PDE4A: variants seen among roughly 807,000 people sequenced by gnomAD.
The protein encoded by PDE4A is phosphodiesterase 4A, also known as 3',5'-cyclic-AMP phosphodiesterase 4A.
PDE4A carries 21 observed loss-of-function variants against 73.9 expected under a neutral mutation model. The ratio of observed to expected loss-of-function variants is 0.28; its 90% CI spans 0.20 to 0.41. PDE4A has a LOEUF of 0.41. Ranked by LOEUF, PDE4A falls within the 10% of genes least tolerant of loss-of-function variation. PDE4A has a pLI of 1.00. For synonymous variants in PDE4A, 463 were observed against 505.4 expected (o/e 0.92, Z 1.13); for missense variants, 958 against 1,211.4 (o/e 0.79, Z 3.10).
chr19:10,431,062 G>A, intron 1 of PDE4A: 1 of 1,571,992 alleles, frequency 6.4e-7, no homozygotes, highest in African/African-American at 1.4e-5. Context: ...CAGGATTTGG[G>A]CCGCCAGGCT....
rs199804264 is a variant in PDE4A, at chr19:10,450,594, T to C, written c.621-9T>C. On this transcript the variant is annotated splice_polypyrimidine_tract_variant and intron_variant, in intron 4 of 14. Coordinates refer to ENST00000380702, the MANE Select transcript of PDE4A (RefSeq NM_001111307.2). Reference sequence around the variant, plus strand: ...CTGACATTGCAGCCCCATTTTTTTTTTTCTGCAGGCGGTCCCCGCTGGGCG... The same window carrying C: ...CTGACATTGCAGCCCCATTTTTTTTCTTCTGCAGGCGGTCCCCGCTGGGCG... 28 of 1,603,518 alleles carry C rather than the reference T, an allele frequency of 1.7e-5. No homozygotes were observed. The highest frequency in any genetic ancestry group is 2.3e-5 in the Non-Finnish European group (27 of 1,175,880).
At chr19:10,442,797 GTAATATTAC>G (rs1384544961) in intron 1 of PDE4A, among the ~76,000 whole-genome samples, 1 of 147,316 alleles carries the variant, frequency 6.8e-6, no homozygotes, top group African/African-American at 2.5e-5. Context: ...ACTAATATAT[GTAATATTAC>G]TAATATTACA....
At chr19:10,427,712 C>T (rs2042735552) in intron 1 of PDE4A, 4 of 939,070 alleles carry the variant, frequency 4.3e-6, no homozygotes, top group Non-Finnish European at 5.1e-6. Context: ...AGTCACTCCT[C>T]TCTGGGCCTT....
chr19:10,433,888 CG>C (rs955137406), intron 1 of PDE4A, among the ~76,000 whole-genome samples: 3 of 151,812 alleles, frequency 2.0e-5, no homozygotes, highest in Non-Finnish European at 4.4e-5. Flanking sequence ...CTGTGCGCCC[CG>C]GGGGAAGACA....
At chr19:10,457,828 C>T in intron 7 of PDE4A, 51 bp from the exon 8 acceptor site, 2 of 1,606,042 alleles carry the variant, frequency 1.2e-6, no homozygotes, top group Non-Finnish European at 1.7e-6. Flanking sequence ...AAGGGAGCCT[C>T]CAGGGGTGGA....
intron 1 of PDE4A, chr19:10,430,905 G>A (rs1444409341): frequency 6.7e-7 from 1 of 1,495,170 alleles, no homozygotes. Flanking sequence ...CTTCCCGGTG[G>A]CGGTGGCGGC....
intron 6 of PDE4A, among the ~76,000 whole-genome samples, chr19:10,452,712 C>A (rs1206467406): frequency 2.6e-5 from 4 of 151,960 alleles, no homozygotes. Context: ...GTGGGTGTCC[C>A]TGGAAGGTGT....
chr19:10,451,136 C>T (rs1027239160), intron 6 of PDE4A, among the ~76,000 whole-genome samples, 195 bp downstream of exon 6: 2 of 151,934 alleles, frequency 1.3e-5, no homozygotes, highest in Non-Finnish European at 1.5e-5. Flanking sequence ...GCTGGTGGAG[C>T]TGGGCCCTAT....
At chr19:10,445,887 G>C (rs1274823184) in intron 1 of PDE4A, among the ~76,000 whole-genome samples, 1 of 147,504 alleles carries the variant, frequency 6.8e-6, no homozygotes. Context: ...ACCCAGGCTG[G>C]AGTGCAGTGG....
chr19:10,446,720 G>A (rs544956577), intron 2 of PDE4A, among the ~76,000 whole-genome samples: 66 of 151,498 alleles, frequency 4.4e-4, no homozygotes, highest in African/African-American at 1.5e-3. Flanking sequence ...TCAGCCTCCC[G>A]AGTAGCTGGG....
intron 12 of PDE4A, 22 bp from the exon 13 acceptor site, chr19:10,461,855 A>G (rs1008473825): frequency 1.2e-6 from 2 of 1,608,796 alleles, no homozygotes; most frequent in Non-Finnish European, 1.7e-6. Flanking sequence ...CAGCGGCCCC[A>G]GTGACGCCCC....
intron 1 of PDE4A, among the ~76,000 whole-genome samples, chr19:10,444,362 G>T (rs939672147): frequency 7.2e-5 from 11 of 152,030 alleles, no homozygotes; most frequent in African/African-American, 2.4e-4. Flanking sequence ...GCCAGGCGTG[G>T]TGGTGCATGC....
chr19:10,432,365 G>T, intron 1 of PDE4A: 1 of 1,317,560 alleles, frequency 7.6e-7, no homozygotes, highest in South Asian at 2.3e-5. Flanking sequence ...CCTTGGGCCT[G>T]GCCAGCAGCG....
chr19:10,450,130 A>G (rs956165110), intron 4 of PDE4A, among the ~76,000 whole-genome samples: 14 of 152,164 alleles, frequency 9.2e-5, no homozygotes, highest in Non-Finnish European at 5.9e-5. Context: ...GAGGATTACA[A>G]TAATGCCTCC....
chr19:10,421,024 C>A lies in PDE4A; in HGVS notation c.260C>A (p.Pro87His). 6.8e-7 allele frequency: 1 copy of A among 1,464,946 alleles called. No homozygotes were observed. The highest frequency in any genetic ancestry group is 2.5e-5 in the Admixed American group (1 of 39,388). 90.7% of individuals were successfully genotyped at this position (1,464,946 alleles called of 1,614,324 possible). Residue 87 changes from proline (P) to histidine (H), a missense_variant, in exon 1 of 15, where the codon CCC (proline) becomes CAC (histidine). By Grantham distance (77) the Pro-to-His change is moderately conservative. Transcript: ENST00000380702. ...CTGCGCACGACCCGCATGTCCTGGC[C>A]CTCGTCCTTCCATGGCACTGGCACC... ...PGLRTTRMSW[P>H]SSFHGTGTGS...
At chr19:10,460,941 A>G (rs371105742) in intron 10 of PDE4A, 63 bp from the exon 11 acceptor site, 9 of 1,529,144 alleles carry the variant, frequency 5.9e-6, no homozygotes, top group African/African-American at 4.1e-5. Context: ...TGAGACAAAC[A>G]GGTGCTCACC....
At chr19:10,444,227 A>G (rs1218347394) in intron 1 of PDE4A, among the ~76,000 whole-genome samples, 1 of 151,742 alleles carries the variant, frequency 6.6e-6, no homozygotes, top group Non-Finnish European at 1.5e-5. Context: ...CTAAAAATAC[A>G]AAATGGGCTG....
At chr19:10,466,444 C>CA (rs367836712) in intron 14 of PDE4A, among the ~76,000 whole-genome samples, 19,411 of 63,390 alleles carry the variant, frequency 0.31, 3,270 homozygotes, top group East Asian at 0.42. Context: ...GACTCCGTCT[C>CA]AAAAAAAAAA....
At chr19:10,417,020 G>A, upstream of PDE4A, 1 of 1,535,582 alleles carries the variant, frequency 6.5e-7, no homozygotes, top group Non-Finnish European at 8.7e-7. Flanking sequence ...GGCTAGGGGC[G>A]GGGCTTCGCC....
Sources: allele counts gnomAD v4.1 joint callset (sites outside exome capture counted in the v4.1 genomes callset), GRCh38; gene constraint gnomAD v4.1.1; transcripts MANE v1.5; gene names NCBI Gene and HGNC (gene_info 2026-07-23, HGNC 2026-07-21).